The following MED13 variants were observed in gnomAD, a reference collection of about 807,000 sequenced individuals.
MED13 encodes the protein mediator complex subunit 13, also known as mediator of RNA polymerase II transcription subunit 13.
In MED13, 23 loss-of-function variants were observed where a neutral mutation model predicts 225.2. The observed-to-expected ratio is 0.10, with a 90% CI of 0.07 to 0.14. The LOEUF is 0.14. MED13 is among the 10% of genes least tolerant of loss of function. The pLI is 1.00. For synonymous variants in MED13, 942 were observed against 889.2 expected, an observed-to-expected ratio of 1.06 and a Z score of -1.06; for missense variants, 2,197 against 2,594.5, an observed-to-expected ratio of 0.85 and a Z score of 3.33.
At chr17:62,054,217 G>C (rs933423183) in intron 2 of MED13, among the ~76,000 whole-genome samples, 2 of 151,742 alleles carry the variant, frequency 1.3e-5, no homozygotes, top group African/African-American at 2.4e-5. Flanking sequence ...TGAGGTGGGA[G>C]AATCACCCAA....
intron 16 of MED13, among the ~76,000 whole-genome samples, chr17:61,977,303 G>A (rs1456602496): frequency 6.6e-6 from 1 of 152,148 alleles, no homozygotes; most frequent in African/African-American, 2.4e-5. Context: ...AGATTTAAAG[G>A]AGACAGAGTT....
chr17:62,051,224 C>G (rs1290701370), intron 3 of MED13, among the ~76,000 whole-genome samples: 1 of 152,166 alleles, frequency 6.6e-6, no homozygotes, highest in Non-Finnish European at 1.5e-5. Flanking sequence ...AAATAATTTA[C>G]TTTCTGACTC....
chr17:62,014,816 C>A (rs1641878561), intron 8 of MED13, among the ~76,000 whole-genome samples: 1 of 152,128 alleles, frequency 6.6e-6, no homozygotes, highest in African/African-American at 2.4e-5. Flanking sequence ...AGCTGAGGAA[C>A]TGAATTTTTA....
In MED13 at chr17:62,031,542, G is replaced by A. The variant is rs747845166; in HGVS notation, c.911C>T (p.Ser304Phe). ...AGGCACTTGGTGGACACCCAAGCAA[G>A]AAGATGAACAGTGAGTGGATCCCAC... ...SPVGSTHCSS[S>F]CLGVHQVPAS... Residue 304 changes from serine to phenylalanine, a missense_variant, in exon 6 of 30, where the codon TCT (serine) becomes TTT (phenylalanine). Ser to Phe is a radical substitution (Grantham distance 155). Around this residue, in one of 12 missense-constraint regions of MED13, gnomAD observed 884 missense variants for 918.5 expected, o/e 0.96. Coordinates refer to ENST00000397786, the MANE Select transcript of MED13 (RefSeq NM_005121.3). 6.2e-7 allele frequency: 1 copy of A among 1,613,986 alleles called. No individual in the cohort carries two copies. Among genetic ancestry groups the A allele is most frequent in the Admixed American group, 1.7e-5 (1 of 59,994 alleles).
At chr17:61,980,714 TCA>T (rs1404445145) in intron 16 of MED13, among the ~76,000 whole-genome samples, 1 of 152,158 alleles carries the variant, frequency 6.6e-6, no homozygotes, top group Non-Finnish European at 1.5e-5. Flanking sequence ...GCTTCTGTTC[TCA>T]CTTTCACTAC....
chr17:61,975,722 AAAC>A (rs752518246), intron 16 of MED13, among the ~76,000 whole-genome samples: 33 of 152,244 alleles, frequency 2.2e-4, no homozygotes, highest in South Asian at 1.0e-3. Context: ...CTCTGTCTCA[AAAC>A]AAAACAAAGG....
intron 24 of MED13, among the ~76,000 whole-genome samples, 192 bp downstream of exon 24, chr17:61,956,147 T>G (rs934725892): frequency 2.8e-4 from 42 of 152,200 alleles, no homozygotes; most frequent in African/African-American, 1.0e-3. Context: ...GTAATAAGAC[T>G]GATATTAAAG....
chr17:62,050,068 G>A (rs1352534530), intron 3 of MED13, among the ~76,000 whole-genome samples: 3 of 151,744 alleles, frequency 2.0e-5, no homozygotes, highest in Non-Finnish European at 4.4e-5. Context: ...GATAAGGAAA[G>A]GGAGAGGAAG....
At position 61,983,114 on chromosome 17, in the gene MED13, A is replaced by G. The variant is rs1433878285; in HGVS notation, c.2889T>C (p.Gly963=). 2 of 1,594,322 alleles carry G rather than the reference A, an allele frequency of 1.3e-6. No homozygotes were observed. Among genetic ancestry groups the G allele is most frequent in the East Asian group, 4.5e-5 (2 of 44,642 alleles). ...ATTCTTGATCCATATTACTTCCATC[A>G]CTATCATCACCAGGGTAAAAGAAGA... ...SGPSMPFIKE[G]DGSNMDQEYG... The change falls in exon 16 of 30, where the codon GGT becomes GGC. Residue 963 remains glycine (G), a splice_region_variant and synonymous_variant. Coordinates refer to ENST00000397786, the MANE Select transcript of MED13 (RefSeq NM_005121.3).
At chr17:62,039,497 G>A (rs761620162) in intron 3 of MED13, among the ~76,000 whole-genome samples, 1 of 151,774 alleles carries the variant, frequency 6.6e-6, no homozygotes, top group Non-Finnish European at 1.5e-5. Flanking sequence ...TGGCCAGGCT[G>A]GTCTCAAACT....
chr17:62,030,079 G>T, intron 6 of MED13, 66 bp from the exon 7 acceptor site: 1 of 1,318,682 alleles, frequency 7.6e-7, no homozygotes, highest in South Asian at 2.3e-5. Flanking sequence ...CATTATTTGG[G>T]TTTTTTATTA....
At chr17:61,963,038 GTTC>G in intron 20 of MED13, 67 bp from the exon 21 acceptor site, 2 of 1,296,156 alleles carry the variant, frequency 1.5e-6, no homozygotes, top group East Asian at 2.3e-5. Flanking sequence ...ATCTAAGCAG[GTTC>G]TTAATATCCC....
chr17:62,063,790 G>A (rs2081060256), intron 1 of MED13, among the ~76,000 whole-genome samples: 1 of 152,172 alleles, frequency 6.6e-6, no homozygotes, highest in Non-Finnish European at 1.5e-5. Context: ...ACCCCTGTCG[G>A]AAAAGTCAAA....
chr17:62,012,263 C>T (rs188729713), intron 8 of MED13, among the ~76,000 whole-genome samples: 3 of 151,342 alleles, frequency 2.0e-5, no homozygotes, highest in East Asian at 1.9e-4. Context: ...TCTTTCAGTG[C>T]GCACTGAGAT....
chr17:62,038,390 G>A (rs1314082090), intron 3 of MED13, among the ~76,000 whole-genome samples: 2 of 151,546 alleles, frequency 1.3e-5, no homozygotes. Context: ...AACAAAAAAA[G>A]ATATTTAAAA....
chr17:61,989,685 G>A (rs532278357), intron 11 of MED13, among the ~76,000 whole-genome samples: 47 of 152,312 alleles, frequency 3.1e-4, no homozygotes, highest in African/African-American at 1.1e-3. Flanking sequence ...TGGCCAAGGT[G>A]GTCTTGAACT....
chr17:62,060,317 T>C (rs2081028470), intron 2 of MED13, among the ~76,000 whole-genome samples: 1 of 151,304 alleles, frequency 6.6e-6, no homozygotes, highest in Non-Finnish European at 1.5e-5. Flanking sequence ...TTACCATTCA[T>C]TAGCATTCAG....
intron 2 of MED13, among the ~76,000 whole-genome samples, chr17:62,062,779 T>C (rs2081051552): frequency 6.6e-6 from 1 of 152,206 alleles, no homozygotes; most frequent in African/African-American, 2.4e-5. Context: ...ATTCCATTTT[T>C]TTAGATTAAT....
At chr17:62,024,208 G>A (rs1007290464) in intron 8 of MED13, among the ~76,000 whole-genome samples, 4 of 152,024 alleles carry the variant, frequency 2.6e-5, no homozygotes, top group Non-Finnish European at 5.9e-5. Context: ...AATAGAGATG[G>A]TATTTCACCA....
Sources: gnomAD v4.1 joint callset for allele counts (sites outside exome capture counted in the v4.1 genomes callset) on GRCh38, gnomAD v4.1.1 for gene constraint, gnomAD v4.1.1 regional missense constraint, MANE v1.5 for transcripts, NCBI Gene and HGNC (gene_info 2026-07-23, HGNC 2026-07-21) for gene names.